The following MDGA2 variants were observed in gnomAD, a reference collection of about 807,000 sequenced individuals.
The protein encoded by MDGA2 is MAM domain-containing glycosylphosphatidylinositol anchor protein 2.
MDGA2 carries 40 observed loss-of-function variants against 117.8 expected under a neutral mutation model. The observed-to-expected ratio is 0.34, with a 90% CI of 0.26 to 0.44. The LOEUF (loss-of-function observed/expected upper bound fraction) is 0.44. Among genes scored for constraint, MDGA2 ranks in the 20% least tolerant of loss-of-function variants. MDGA2 has a pLI of 1.00. For missense variants in MDGA2, 1,123 were observed against 1,250.6 expected (o/e 0.90, Z 1.54); for synonymous variants, 452 against 439.0 (o/e 1.03, Z -0.37).
At position 47,609,675 on chromosome 14, in the gene MDGA2, T is replaced by C. The variant is rs564823151; in HGVS notation, c.280+64842A>G. Among the ~76,000 whole-genome samples, 479 of 151,390 alleles carry C rather than the reference T, an allele frequency of 3.2e-3. 1 individual carries two copies. The highest frequency in any genetic ancestry group is 3.5e-3 in the Non-Finnish European group (240 of 67,758). Reference sequence around the variant, plus strand: ...TAAGGAATCTCCACACTGTTTTCCATAGTGGCTGTAGTAGTTTCCATTCCC... The same window carrying C: ...TAAGGAATCTCCACACTGTTTTCCACAGTGGCTGTAGTAGTTTCCATTCCC... On this transcript the variant is annotated intron_variant, in intron 1 of 16. Coordinates refer to ENST00000399232, the MANE Select transcript of MDGA2 (RefSeq NM_001113498.3).
chr14:46,847,233 T>C (rs1197916189), intron 15 of MDGA2, among the ~76,000 whole-genome samples: 3 of 152,062 alleles, frequency 2.0e-5, no homozygotes, highest in Non-Finnish European at 4.4e-5. Context: ...ATAATTTTCA[T>C]GATTTGATAG....
At chr14:47,273,838 GA>G (rs1439862354) in intron 2 of MDGA2, among the ~76,000 whole-genome samples, 2 of 152,022 alleles carry the variant, frequency 1.3e-5, no homozygotes, top group African/African-American at 4.8e-5. Context: ...CAAAAGTTTA[GA>G]AAAACAACAA....
At chr14:47,274,042 C>T (rs751974663) in intron 2 of MDGA2, among the ~76,000 whole-genome samples, 29 of 151,990 alleles carry the variant, frequency 1.9e-4, no homozygotes, top group Non-Finnish European at 5.9e-5. Context: ...ATTTTTTTAA[C>T]GGCTTCACTG....
At chr14:47,600,455 G>A (rs1004489480) in intron 1 of MDGA2, among the ~76,000 whole-genome samples, 3 of 151,862 alleles carry the variant, frequency 2.0e-5, no homozygotes, top group Non-Finnish European at 2.9e-5. Flanking sequence ...TAAAAATATC[G>A]TATATGGTTG....
intron 1 of MDGA2, among the ~76,000 whole-genome samples, chr14:47,638,823 A>G (rs888985747): frequency 2.6e-5 from 4 of 152,144 alleles, no homozygotes; most frequent in African/African-American, 9.7e-5. Flanking sequence ...ATTATTTCAC[A>G]TCACCATTCA....
At chr14:47,535,430 T>C (rs1895189981) in intron 1 of MDGA2, among the ~76,000 whole-genome samples, 1 of 152,230 alleles carries the variant, frequency 6.6e-6, no homozygotes, top group Non-Finnish European at 1.5e-5. Flanking sequence ...ATGTCTTATA[T>C]TAGCAGTCAG....
At chr14:47,283,175 A>G (rs1888558797) in intron 2 of MDGA2, among the ~76,000 whole-genome samples, 1 of 152,178 alleles carries the variant, frequency 6.6e-6, no homozygotes, top group African/African-American at 2.4e-5. Context: ...AGGGTTAGGG[A>G]AAGAAATAGA....
chr14:47,201,094 A>C (rs1594718348), intron 3 of MDGA2: 1 of 877,914 alleles, frequency 1.1e-6, no homozygotes, highest in East Asian at 2.4e-5. Context: ...CAAGACCTGC[A>C]CCTCCGCCAT....
intron 1 of MDGA2, among the ~76,000 whole-genome samples, chr14:47,492,473 T>C (rs1035899616): frequency 6.6e-6 from 1 of 152,274 alleles, no homozygotes; most frequent in African/African-American, 2.4e-5. Flanking sequence ...TGTGTTTGTG[T>C]GTGTGGATAT....
At chr14:47,508,443 C>G (rs1208174881) in intron 1 of MDGA2, among the ~76,000 whole-genome samples, 1 of 148,762 alleles carries the variant, frequency 6.7e-6, no homozygotes, top group Non-Finnish European at 1.5e-5. Context: ...GAATGAGAAA[C>G]AGAAGGGAAA....
chr14:46,945,496 T>G (rs1353430516), intron 9 of MDGA2, among the ~76,000 whole-genome samples: 1 of 152,102 alleles, frequency 6.6e-6, no homozygotes, highest in African/African-American at 2.4e-5. Context: ...AAGAAAATGG[T>G]AAATCACCTC....
chr14:47,578,088 A>G (rs1896149282), intron 1 of MDGA2, among the ~76,000 whole-genome samples: 1 of 152,254 alleles, frequency 6.6e-6, no homozygotes, highest in African/African-American at 2.4e-5. Flanking sequence ...CTATGCAGCC[A>G]TAAAAAGGAA....
At position 47,674,628 on chromosome 14, in the gene MDGA2, G is replaced by A. The variant is rs947844781; in HGVS notation, c.169C>T (p.Arg57Cys). The A allele has an allele frequency of 5.9e-6, 9 of 1,532,524 alleles. No homozygotes were observed. Among genetic ancestry groups the A allele is most frequent in the East Asian group, 2.5e-5 (1 of 40,716 alleles). The allele number at this position is 1,532,524 out of a possible 1,614,324, so 94.9% of individuals were successfully genotyped here. A position where few individuals can be genotyped will look rare whatever the true frequency, so the allele number is the denominator to read the frequency against. ...TGAACATATCCAGCCCAGGGGGTAC[G>A]CAACGGGACCTTCAGGAGGCCGGCG... is the stretch of plus-strand genomic sequence containing the variant. ...LAAGLLKVPL[R>C]TPWAGYVHVH... Residue 57 changes from arginine to cysteine, a missense_variant, in exon 1 of 17, where the codon CGT (arginine) becomes TGT (cysteine). Physicochemically the swap from Arg to Cys is radical, Grantham distance 180. Transcript: ENST00000399232.
chr14:47,528,973 T>G (rs1895032828), intron 1 of MDGA2, among the ~76,000 whole-genome samples: 1 of 146,562 alleles, frequency 6.8e-6, no homozygotes, highest in Non-Finnish European at 1.5e-5. Context: ...TTACCTCCTA[T>G]AGTGTCAAGG....
At chr14:47,195,965 C>A (rs755519461) in intron 3 of MDGA2, among the ~76,000 whole-genome samples, 1 of 152,052 alleles carries the variant, frequency 6.6e-6, no homozygotes, top group South Asian at 2.1e-4. Context: ...TAAATATATC[C>A]TATTTTGGCA....
chr14:47,536,813 A>T (rs1895221163), intron 1 of MDGA2, among the ~76,000 whole-genome samples: 1 of 152,204 alleles, frequency 6.6e-6, no homozygotes, highest in African/African-American at 2.4e-5. Context: ...CACTGTTTCT[A>T]AACAGGAAAT....
At chr14:46,856,152 C>T (rs1881260546) in intron 14 of MDGA2, among the ~76,000 whole-genome samples, 1 of 151,966 alleles carries the variant, frequency 6.6e-6, no homozygotes, top group Non-Finnish European at 1.5e-5. Context: ...TGCTCTATGT[C>T]ATACAGTAAG....
At chr14:47,495,304 A>T (rs61995194) in intron 1 of MDGA2, among the ~76,000 whole-genome samples, 2,228 of 152,162 alleles carry the variant, frequency 0.015, 22 homozygotes, top group Middle Eastern at 0.024. Flanking sequence ...ATGAGGGGAA[A>T]AATACTACTT....
intron 2 of MDGA2, among the ~76,000 whole-genome samples, chr14:47,269,975 C>T (rs1234586883): frequency 6.6e-6 from 1 of 152,126 alleles, no homozygotes; most frequent in Non-Finnish European, 1.5e-5. Flanking sequence ...GACTTGATTA[C>T]TAACTATTAC....
Sources: allele counts gnomAD v4.1 joint callset (sites outside exome capture counted in the v4.1 genomes callset), GRCh38; gene constraint gnomAD v4.1.1; transcripts MANE v1.5; gene names NCBI Gene and HGNC (gene_info 2026-07-23, HGNC 2026-07-21).